Variants in HHAT observed in about 807,000 individuals in gnomAD.
The protein encoded by HHAT is hedgehog acyltransferase, also known as protein-cysteine N-palmitoyltransferase HHAT.
Under a neutral mutation model 70.8 loss-of-function variants are expected in HHAT, and 47 were observed. The observed-to-expected ratio is 0.66, with a 90% CI of 0.53 to 0.85. HHAT has a LOEUF of 0.85. HHAT is among the 40% of genes least tolerant of loss of function. The pLI is 0.00. For synonymous variants in HHAT, 228 were observed against 247.6 expected (o/e 0.92, Z 0.74); for missense variants, 609 against 604.8 (o/e 1.01, Z -0.07).
At chr1:210,647,470 G>A (rs1228116033) in intron 11 of HHAT, among the ~76,000 whole-genome samples, 1 of 152,136 alleles carries the variant, frequency 6.6e-6, no homozygotes, top group Non-Finnish European at 1.5e-5. Flanking sequence ...TCTCTCCACT[G>A]TAACCAGCAG....
At chr1:210,515,886 G>GA (rs536416502) in intron 9 of HHAT, among the ~76,000 whole-genome samples, 9 of 151,496 alleles carry the variant, frequency 5.9e-5, no homozygotes, top group Admixed American at 3.9e-4. Flanking sequence ...TGGGCAATAT[G>GA]AAAAAAAATA....
At chr1:210,459,916 T>C (rs1447629666) in intron 7 of HHAT, among the ~76,000 whole-genome samples, 2 of 152,204 alleles carry the variant, frequency 1.3e-5, no homozygotes, top group Non-Finnish European at 2.9e-5. Context: ...CAGTCAGACA[T>C]CAGCCAGGGT....
chr1:210,334,722 C>T (rs2147914701), intron 1 of HHAT, among the ~76,000 whole-genome samples: 1 of 149,250 alleles, frequency 6.7e-6, no homozygotes. Flanking sequence ...TAGAAATGAA[C>T]CTTAGTGGTA....
chr1:210,511,780 CTT>C (rs201825628), intron 8 of HHAT, among the ~76,000 whole-genome samples: 109 of 88,442 alleles, frequency 1.2e-3, no homozygotes, highest in African/African-American at 3.6e-3. Flanking sequence ...GCCGCCTGGT[CTT>C]TTTTTTTTTT....
chr1:210,569,508 T>C (rs1655698602), intron 9 of HHAT, among the ~76,000 whole-genome samples: 2 of 152,094 alleles, frequency 1.3e-5, no homozygotes, highest in African/African-American at 4.8e-5. Flanking sequence ...TTTTGGATTT[T>C]CCATTGTAAT....
At chr1:210,395,769 T>G (rs1440347017) in intron 4 of HHAT, among the ~76,000 whole-genome samples, 1 of 152,214 alleles carries the variant, frequency 6.6e-6, no homozygotes, top group African/African-American at 2.4e-5. Flanking sequence ...AGTCCACATT[T>G]TACTGCTATT....
chr1:210,509,018 A>G (rs950550242), intron 8 of HHAT, among the ~76,000 whole-genome samples: 1 of 152,222 alleles, frequency 6.6e-6, no homozygotes, highest in African/African-American at 2.4e-5. Flanking sequence ...ACTTCAGCGT[A>G]TGCTTCTAAG....
chr1:210,531,520 T>C (rs1393139011), intron 9 of HHAT, among the ~76,000 whole-genome samples: 2 of 152,224 alleles, frequency 1.3e-5, no homozygotes, highest in Admixed American at 6.5e-5. Flanking sequence ...GAAGTGTAAG[T>C]TGTGGAATTA....
At chr1:210,666,889 G>A (rs756953853) in intron 11 of HHAT, among the ~76,000 whole-genome samples, 5 of 151,858 alleles carry the variant, frequency 3.3e-5, no homozygotes, top group African/African-American at 1.2e-4. Context: ...TCAGGAGACC[G>A]AGACCATGGT....
At chr1:210,348,501 A>G (rs573481945) in intron 1 of HHAT, among the ~76,000 whole-genome samples, 4 of 152,266 alleles carry the variant, frequency 2.6e-5, no homozygotes, top group African/African-American at 9.6e-5. Flanking sequence ...GCCATTTATT[A>G]TTCACAGAGC....
rs139009470 is a variant in HHAT at position 210,345,600 on chromosome 1, G to T, written c.-43-3333G>T. Among the ~76,000 whole-genome samples, 1,108 of 152,304 alleles carry T rather than the reference G, an allele frequency of 7.3e-3. 15 individuals are homozygous for T. The highest frequency in any genetic ancestry group is 0.025 in the African/African-American group (1,046 of 41,564). On this transcript the variant is annotated intron_variant, in intron 1 of 11. Transcript: ENST00000261458. ...TTGTTTATTTCAGTGTTTACTATTA[G>T]AAGTGTTTTGGTCTTTATTTAGATG...
At chr1:210,413,675 A>G (rs2092632763) in intron 6 of HHAT, among the ~76,000 whole-genome samples, 2 of 152,196 alleles carry the variant, frequency 1.3e-5, no homozygotes, top group South Asian at 4.1e-4. Context: ...GGTTCATAAC[A>G]GGATTGCTTT....
chr1:210,608,201 GAA>G (rs1298643415), intron 10 of HHAT, among the ~76,000 whole-genome samples: 15 of 152,124 alleles, frequency 9.9e-5, no homozygotes, highest in African/African-American at 2.9e-4. Context: ...CAGTTACCAA[GAA>G]CAAAATAGGA....
At chr1:210,418,064 T>G in intron 6 of HHAT, 90 bp from the exon 7 acceptor site, 2 of 1,221,184 alleles carry the variant, frequency 1.6e-6, no homozygotes, top group Non-Finnish European at 2.4e-6. Context: ...ATAGCAATAA[T>G]ATTTGTGGGA....
chr1:210,489,339 C>G (rs188543844), intron 8 of HHAT, among the ~76,000 whole-genome samples: 1 of 152,262 alleles, frequency 6.6e-6, no homozygotes, highest in Admixed American at 6.5e-5. Flanking sequence ...GGAGACAGGG[C>G]TAAGCTGGGA....
rs1680857096 is a variant in HHAT, at chr1:210,674,700, C to G, written c.*321C>G. The G allele has an allele frequency of 8.1e-6, 2 of 247,590 alleles. No homozygotes were observed. The highest frequency in any genetic ancestry group is 5.3e-5 in the Admixed American group (1 of 18,734). 15.3% of individuals were successfully genotyped at this position (247,590 alleles called of 1,614,324 possible). On this transcript the variant is annotated 3_prime_UTR_variant, in exon 12 of 12. Transcript: ENST00000261458. Reference sequence around the variant, plus strand: ...GTCTCATGAGCCCTTTGCATTCTTTCCCCTTAAGCAAGAATAGAATGTAGT... The same window carrying G: ...GTCTCATGAGCCCTTTGCATTCTTTGCCCTTAAGCAAGAATAGAATGTAGT...
At chr1:210,410,892 T>G (rs1015970255) in intron 6 of HHAT, among the ~76,000 whole-genome samples, 6 of 151,932 alleles carry the variant, frequency 3.9e-5, no homozygotes, top group African/African-American at 1.5e-4. Context: ...AGAAAAGGAG[T>G]GTTGCAGAGA....
At chr1:210,345,136 T>G (rs1427567058) in intron 1 of HHAT, among the ~76,000 whole-genome samples, 1 of 152,132 alleles carries the variant, frequency 6.6e-6, no homozygotes, top group African/African-American at 2.4e-5. Flanking sequence ...CAGCTGAACC[T>G]GTGTTTGGTA....
intron 3 of HHAT, among the ~76,000 whole-genome samples, chr1:210,365,667 G>T (rs564128909): frequency 1.2e-3 from 181 of 151,742 alleles, no homozygotes; most frequent in Non-Finnish European, 2.1e-3. Context: ...CCAGGCTGGA[G>T]TGCAGTGGCA....
Sources: gnomAD v4.1 joint callset for allele counts (sites outside exome capture counted in the v4.1 genomes callset) on GRCh38, gnomAD v4.1.1 for gene constraint, MANE v1.5 for transcripts, NCBI Gene and HGNC (gene_info 2026-07-23, HGNC 2026-07-21) for gene names.